The following LIFR variants were observed in gnomAD, a reference collection of about 807,000 sequenced individuals.
LIFR encodes the protein leukemia inhibitory factor receptor.
In LIFR, 84 loss-of-function variants were observed where a neutral mutation model predicts 122.2. The ratio of observed to expected loss-of-function variants is 0.69; its 90% CI spans 0.58 to 0.82. The LOEUF is 0.82. Ranked by LOEUF, LIFR falls within the 40% of genes least tolerant of loss-of-function variation. The probability of loss-of-function intolerance (pLI) is 0.00; values close to 1 mark genes in which losing one functional copy is unlikely to be tolerated. For missense variants in LIFR, 1,294 were observed against 1,311.6 expected (o/e 0.99, Z 0.21); for synonymous variants, 422 against 434.7 (o/e 0.97, Z 0.36).
intron 1 of LIFR, among the ~76,000 whole-genome samples, chr5:38,576,900 TA>T (rs1205032709): frequency 6.6e-6 from 1 of 152,228 alleles, no homozygotes; most frequent in Non-Finnish European, 1.5e-5. Context: ...ACTAAATTTT[TA>T]AGTAGAAATG....
intron 1 of LIFR, among the ~76,000 whole-genome samples, chr5:38,578,546 A>T (rs1193849404): frequency 1.4e-5 from 2 of 147,480 alleles, no homozygotes; most frequent in Non-Finnish European, 3.0e-5. Flanking sequence ...TAACTACTAG[A>T]CACTATTTCT....
chr5:38,490,933 C>T (rs1744558732), intron 14 of LIFR, among the ~76,000 whole-genome samples: 2 of 151,972 alleles, frequency 1.3e-5, no homozygotes. Flanking sequence ...TTCACTAAGC[C>T]ATTCATTCGA....
intron 1 of LIFR, among the ~76,000 whole-genome samples, chr5:38,593,403 A>G (rs1260647731): frequency 6.6e-6 from 1 of 152,182 alleles, no homozygotes; most frequent in Non-Finnish European, 1.5e-5. Context: ...AAATTATTCA[A>G]ATGAAATGTA....
chr5:38,546,287 A>AC (rs1294676516), intron 1 of LIFR, among the ~76,000 whole-genome samples: 3 of 152,356 alleles, frequency 2.0e-5, no homozygotes, highest in East Asian at 3.9e-4. Flanking sequence ...ACAAAACTGA[A>AC]TATCCAGTAT....
At chr5:38,595,145 G>T (rs750238131) in intron 1 of LIFR, 30 of 170,990 alleles carry the variant, frequency 1.8e-4, no homozygotes, top group Non-Finnish European at 3.2e-4. Flanking sequence ...AGCCCTGAGA[G>T]ACCCTCACAA....
chr5:38,506,431 T>C, intron 8 of LIFR, 72 bp downstream of exon 8: 1 of 1,536,736 alleles, frequency 6.5e-7, no homozygotes, highest in Non-Finnish European at 9.0e-7. Flanking sequence ...TCTAGTGCAG[T>C]TCCCTATGTC....
At chr5:38,574,079 G>A (rs574683358) in intron 1 of LIFR, among the ~76,000 whole-genome samples, 43 of 152,138 alleles carry the variant, frequency 2.8e-4, no homozygotes, top group South Asian at 1.7e-3. Flanking sequence ...TGGCACCACT[G>A]CTTTCCAGCC....
intron 9 of LIFR, among the ~76,000 whole-genome samples, chr5:38,504,934 T>C (rs1018500803): frequency 6.6e-6 from 1 of 152,150 alleles, no homozygotes. Flanking sequence ...GTTTAGGCCC[T>C]TTCTCCCCTG....
At chr5:38,600,976 C>A (rs945692632) in intron 2 of LIFR, among the ~76,000 whole-genome samples, 7 of 152,190 alleles carry the variant, frequency 4.6e-5, no homozygotes, top group African/African-American at 1.7e-4. Context: ...GAACAGGACA[C>A]ACAGGGGTAA....
intron 12 of LIFR, among the ~76,000 whole-genome samples, chr5:38,498,833 G>C (rs1216858300): frequency 1.3e-5 from 2 of 152,108 alleles, no homozygotes; most frequent in Non-Finnish European, 2.9e-5. Context: ...GAACCTGCAT[G>C]TACACTTCAC....
upstream of LIFR, among the ~76,000 whole-genome samples, chr5:38,561,497 T>C (rs866985684): frequency 1.3e-5 from 2 of 152,232 alleles, no homozygotes; most frequent in Non-Finnish European, 2.9e-5. Flanking sequence ...AAACCACTTA[T>C]TGCTATATCA....
chr5:38,528,642 G>T, intron 3 of LIFR, 84 bp downstream of exon 3: 2 of 854,006 alleles, frequency 2.3e-6, no homozygotes, highest in Non-Finnish European at 3.9e-6. Context: ...TAACCCTTTA[G>T]TTTCACAAGC....
At chr5:38,589,102 A>G (rs939202982) in intron 1 of LIFR, among the ~76,000 whole-genome samples, 1 of 149,594 alleles carries the variant, frequency 6.7e-6, no homozygotes, top group Non-Finnish European at 1.5e-5. Flanking sequence ...GGTTCATGCC[A>G]TTCTCCTGCC....
chr5:38,528,674 C>T (rs1333688644), intron 3 of LIFR, 52 bp downstream of exon 3: 6 of 1,031,062 alleles, frequency 5.8e-6, no homozygotes, highest in South Asian at 4.1e-5. Flanking sequence ...AACTGAGGGT[C>T]GTTTCTGCAA....
intron 1 of LIFR, among the ~76,000 whole-genome samples, chr5:38,606,771 C>A (rs1347539121): frequency 6.6e-6 from 1 of 152,186 alleles, no homozygotes; most frequent in East Asian, 1.9e-4. Flanking sequence ...AAGCCCAATA[C>A]CTTTCCATCA....
At position 38,530,515 on chromosome 5, in the gene LIFR, G is replaced by A. The variant is rs1424045304; in HGVS notation, c.133C>T (p.Gln45Ter). 1.2e-6 allele frequency: 2 copies of A among 1,612,038 alleles called. No individual in the cohort carries two copies. Among genetic ancestry groups the A allele is most frequent in the Non-Finnish European group, 1.7e-6 (2 of 1,178,284 alleles). Residue 45 changes from glutamine to a stop codon, truncating the protein, a stop_gained, in exon 2 of 20, where the codon CAG becomes TAG. Transcript: ENST00000453190. LOFTEE classifies it high-confidence loss of function. ...LLYLMNQVNS[Q>*]KKGAPHDLKC... The stretch of plus-strand genomic sequence containing the variant: ...AGGCTGATGCACTTACCCTTTTTCT[G>A]GCTATTTACTTGATTCATTAGATAT...
At chr5:38,581,700 C>T (rs764213369) in intron 1 of LIFR, among the ~76,000 whole-genome samples, 4 of 152,118 alleles carry the variant, frequency 2.6e-5, no homozygotes, top group South Asian at 4.1e-4. Flanking sequence ...TGGAATGTCA[C>T]GATGAATTTT....
At chr5:38,562,882 C>A (rs945932914) in intron 1 of LIFR, among the ~76,000 whole-genome samples, 1 of 152,190 alleles carries the variant, frequency 6.6e-6, no homozygotes, top group African/African-American at 2.4e-5. Flanking sequence ...AGGCATAATT[C>A]AAGGTCTCTG....
At chr5:38,496,089 A>G (rs1000443267) in intron 13 of LIFR, among the ~76,000 whole-genome samples, 1 of 152,026 alleles carries the variant, frequency 6.6e-6, no homozygotes, top group Non-Finnish European at 1.5e-5. Context: ...ATTTGAATAA[A>G]CTCTTAAAAT....
Sources: gnomAD v4.1 joint callset for allele counts (sites outside exome capture counted in the v4.1 genomes callset) on GRCh38, gnomAD v4.1.1 for gene constraint, MANE v1.5 for transcripts, NCBI Gene and HGNC (gene_info 2026-07-23, HGNC 2026-07-21) for gene names.